The following SCNN1B variants were observed in gnomAD, a reference collection of about 807,000 sequenced individuals.
The protein encoded by SCNN1B is epithelial sodium channel subunit beta.
SCNN1B carries 46 observed loss-of-function variants against 65.3 expected under a neutral mutation model. That is an observed-to-expected ratio of 0.70 (90% CI 0.56 to 0.90). SCNN1B has a LOEUF of 0.90. Ranked by LOEUF, SCNN1B falls within the 40% of genes least tolerant of loss-of-function variation. The pLI is 0.00. For missense variants in SCNN1B, 751 were observed against 830.5 expected, an observed-to-expected ratio of 0.90 and a Z score of 1.18; for synonymous variants, 349 against 330.6, an observed-to-expected ratio of 1.06 and a Z score of -0.60.
chr16:23,285,102 T>C (rs1960831785), intron 2 of SCNN1B, among the ~76,000 whole-genome samples: 2 of 152,202 alleles, frequency 1.3e-5, no homozygotes, highest in African/African-American at 4.8e-5. Context: ...AACATTTAAA[T>C]AAAGTCTAGA....
chr16:23,360,589 T>TG (rs1408280494), intron 4 of SCNN1B, among the ~76,000 whole-genome samples: 1 of 109,562 alleles, frequency 9.1e-6, no homozygotes, highest in South Asian at 3.3e-4. Flanking sequence ...GTGGTGGTGG[T>TG]GGTTTTTTTT....
chr16:23,371,837 C>T lies in SCNN1B; in HGVS notation c.1106C>T (p.Pro369Leu), dbSNP rs1288705584. Reference sequence around the variant, plus strand: ...TGCACCGTGAATGGTTCTGAGGTCCCCGTCCAAAACTTCTACAGTGACTAC... The same window carrying T: ...TGCACCGTGAATGGTTCTGAGGTCCTCGTCCAAAACTTCTACAGTGACTAC... ...SPCTVNGSEV[P>L]VQNFYSDYNT... Residue 369 changes from proline (P) to leucine (L), a missense_variant, in exon 7 of 13, where the codon CCC becomes CTC. Coordinates refer to ENST00000343070, the MANE Select transcript of SCNN1B (RefSeq NM_000336.3). 2.5e-6 allele frequency: 4 copies of T among 1,614,212 alleles called. No homozygotes were observed. The East Asian group carries it at 6.7e-5, about 27-fold the overall frequency.
intron 1 of SCNN1B, among the ~76,000 whole-genome samples, chr16:23,283,313 A>G (rs1960807556): frequency 6.6e-6 from 1 of 152,212 alleles, no homozygotes; most frequent in African/African-American, 2.4e-5. Context: ...CGGGAGGCTG[A>G]GATATGAGGA....
intron 1 of SCNN1B, among the ~76,000 whole-genome samples, chr16:23,279,504 A>G (rs1345994404): frequency 1.3e-5 from 2 of 152,190 alleles, no homozygotes; most frequent in Non-Finnish European, 2.9e-5. Flanking sequence ...GGAGATGTCT[A>G]ATGAACATCC....
At chr16:23,327,556 A>G (rs544100134) in intron 1 of SCNN1B, among the ~76,000 whole-genome samples, 1 of 151,874 alleles carries the variant, frequency 6.6e-6, no homozygotes, top group East Asian at 1.9e-4. Flanking sequence ...AATAATAATA[A>G]TAACTAACCA....
At chr16:23,358,974 T>C (rs1302512149) in intron 4 of SCNN1B, among the ~76,000 whole-genome samples, 1 of 152,258 alleles carries the variant, frequency 6.6e-6, no homozygotes, top group Admixed American at 6.5e-5. Flanking sequence ...TGCCAACATT[T>C]ACTGGGCCTT....
At chr16:23,378,578 C>A in intron 10 of SCNN1B, 128 bp from the exon 11 acceptor site, 2 of 820,910 alleles carry the variant, frequency 2.4e-6, no homozygotes, top group Non-Finnish European at 4.2e-6. Flanking sequence ...GCTCCTCATC[C>A]AAATTGTGAT....
At chr16:23,355,248 C>G (rs771894422) in intron 3 of SCNN1B, 51 bp from the exon 4 acceptor site, 1 of 1,570,678 alleles carries the variant, frequency 6.4e-7, no homozygotes, top group Non-Finnish European at 8.8e-7. Context: ...TGGCTGGGGT[C>G]CTGCTAGCAG....
chr16:23,349,593 C>A (rs963221020), intron 2 of SCNN1B, among the ~76,000 whole-genome samples: 1 of 152,112 alleles, frequency 6.6e-6, no homozygotes, highest in Admixed American at 6.6e-5. Flanking sequence ...GAACCTTGGG[C>A]ACCCTCTGTC....
intron 5 of SCNN1B, 79 bp from the exon 6 acceptor site, chr16:23,371,220 G>A: frequency 6.5e-7 from 1 of 1,539,346 alleles, no homozygotes; most frequent in Non-Finnish European, 8.9e-7. Flanking sequence ...GCCGGAGGGA[G>A]CTTGGAGAAG....
intron 4 of SCNN1B, among the ~76,000 whole-genome samples, chr16:23,365,319 A>G (rs1962625941): frequency 1.3e-5 from 2 of 150,386 alleles, no homozygotes; most frequent in African/African-American, 4.9e-5. Context: ...AAAAAGAGAG[A>G]AAGAGAGAAA....
At chr16:23,365,061 G>A (rs1409874221) in intron 4 of SCNN1B, among the ~76,000 whole-genome samples, 3 of 152,208 alleles carry the variant, frequency 2.0e-5, no homozygotes, top group East Asian at 3.9e-4. Flanking sequence ...AGAGGGCAGA[G>A]GTTGCAGTGA....
chr16:23,356,275 C>T (rs1962419294), intron 4 of SCNN1B, among the ~76,000 whole-genome samples: 2 of 152,160 alleles, frequency 1.3e-5, no homozygotes, highest in East Asian at 3.9e-4. Flanking sequence ...ATAATCGTAG[C>T]TTCTTCATAG....
intron 2 of SCNN1B, among the ~76,000 whole-genome samples, chr16:23,294,491 C>G (rs957219058): frequency 7.0e-6 from 1 of 143,590 alleles, no homozygotes; most frequent in African/African-American, 2.5e-5. Context: ...CTGAACCCCC[C>G]TCTTAGTCTC....
chr16:23,319,000 G>A (rs1188668681), intron 1 of SCNN1B, among the ~76,000 whole-genome samples: 2 of 151,880 alleles, frequency 1.3e-5, no homozygotes, highest in Non-Finnish European at 2.9e-5. Context: ...AGGAGGAGGA[G>A]TCCTGCAATC....
rs238547 is a variant in SCNN1B at position 23,348,878 on chromosome 16, T to C, written c.279T>C (p.Pro93=). 0.59 allele frequency: 955,269 copies of C among 1,613,704 alleles called. 294,935 individuals are homozygous for C. The highest frequency in any genetic ancestry group is 0.99 in the East Asian group (44,310 of 44,846). ...LSVGFKTMDF[P]AVTICNASPF... ...TAGGCTTCAAGACCATGGACTTCCCTGCCGTCACCATCTGCAATGCTAGCC... is the reference window on the plus strand; with the variant it reads ...TAGGCTTCAAGACCATGGACTTCCCCGCCGTCACCATCTGCAATGCTAGCC... Residue 93 remains proline, a synonymous_variant, in exon 2 of 13, where the codon CCT becomes CCC. Coordinates refer to ENST00000343070, the MANE Select transcript of SCNN1B (RefSeq NM_000336.3). The surrounding 1 kb of genome is among the most constrained non-coding windows in gnomAD (Gnocchi z 4.5).
intron 2 of SCNN1B, among the ~76,000 whole-genome samples, chr16:23,296,636 T>C (rs1961001049): frequency 6.6e-6 from 1 of 152,018 alleles, no homozygotes; most frequent in African/African-American, 2.4e-5. Context: ...AGGACATGGA[T>C]CGTGTCAGCT....
chr16:23,304,237 G>A (rs761104559), intron 1 of SCNN1B: 27 of 680,428 alleles, frequency 4.0e-5, no homozygotes, highest in Admixed American at 3.5e-4. Flanking sequence ...GCTCACATAC[G>A]GACCCATGAA....
intron 8 of SCNN1B, among the ~76,000 whole-genome samples, 187 bp from the exon 9 acceptor site, chr16:23,376,977 GC>G (rs748825854): frequency 1.3e-5 from 2 of 152,166 alleles, no homozygotes; most frequent in Non-Finnish European, 2.9e-5. Context: ...TGGGCCCCAG[GC>G]CAGGCTGGGG....
Sources: gnomAD v4.1 joint callset for allele counts (sites outside exome capture counted in the v4.1 genomes callset) on GRCh38, gnomAD v4.1.1 for gene constraint, Gnocchi (gnomAD v3.1) non-coding constraint, MANE v1.5 for transcripts, NCBI Gene and HGNC (gene_info 2026-07-23, HGNC 2026-07-21) for gene names.